The following EIF3L variants were observed in gnomAD, a reference collection of about 807,000 sequenced individuals.
EIF3L encodes eukaryotic translation initiation factor 3 subunit L, also known as eIEF associated protein HSPC021.
Under a neutral mutation model 74.6 loss-of-function variants are expected in EIF3L, and 32 were observed. That is an observed-to-expected ratio of 0.43 (90% CI 0.32 to 0.58). EIF3L has a LOEUF of 0.58. Ranked by LOEUF, EIF3L falls within the 20% of genes least tolerant of loss-of-function variation. EIF3L has a pLI of 0.06. For missense variants in EIF3L, 474 were observed against 707.8 expected (o/e 0.67, Z 3.75); for synonymous variants, 256 against 254.4 (o/e 1.01, Z -0.06).
At chr22:37,867,632 G>A (rs1418351711) in intron 7 of EIF3L, among the ~76,000 whole-genome samples, 1 of 142,200 alleles carries the variant, frequency 7.0e-6, no homozygotes, top group Non-Finnish European at 1.5e-5. Context: ...ACTCCACCCT[G>A]GGCAGTAGAG....
chr22:37,867,631 T>C (rs1028476016), intron 7 of EIF3L, among the ~76,000 whole-genome samples: 6 of 133,032 alleles, frequency 4.5e-5, no homozygotes, highest in African/African-American at 1.8e-4. Context: ...CACTCCACCC[T>C]GGGCAGTAGA....
intron 3 of EIF3L, among the ~76,000 whole-genome samples, chr22:37,852,778 A>G (rs537228347): frequency 6.6e-6 from 1 of 152,166 alleles, no homozygotes; most frequent in South Asian, 2.1e-4. Flanking sequence ...GCCACCCATT[A>G]GGTTGAGCTG....
intron 5 of EIF3L, among the ~76,000 whole-genome samples, chr22:37,862,170 CTT>C (rs1925893463): frequency 6.6e-6 from 1 of 152,212 alleles, no homozygotes; most frequent in Admixed American, 6.5e-5. Flanking sequence ...AGTCAACAAT[CTT>C]TTGCCCACAT....
chr22:37,853,478 C>T (rs1260722099), intron 3 of EIF3L, among the ~76,000 whole-genome samples: 1 of 152,110 alleles, frequency 6.6e-6, no homozygotes, highest in Admixed American at 6.5e-5. Flanking sequence ...TCAGCGCCTA[C>T]AAAAATTAGC....
At chr22:37,855,330 T>G (rs1030731820) in intron 3 of EIF3L, among the ~76,000 whole-genome samples, 6 of 152,164 alleles carry the variant, frequency 3.9e-5, no homozygotes, top group African/African-American at 7.2e-5. Context: ...GGCAGGAGAT[T>G]ATCCTGAAAA....
chr22:37,886,655 A>T, intron 11 of EIF3L, 110 bp from the exon 12 acceptor site: 2 of 777,712 alleles, frequency 2.6e-6, no homozygotes, highest in Admixed American at 2.6e-5. Flanking sequence ...CCCCACCTTT[A>T]CATCTAACAC....
chr22:37,867,123 G>T (rs1052598324), intron 7 of EIF3L, among the ~76,000 whole-genome samples: 1 of 151,914 alleles, frequency 6.6e-6, no homozygotes, highest in African/African-American at 2.4e-5. Flanking sequence ...TTGCAGCCTT[G>T]ACCTCCTGGG....
At chr22:37,858,777 T>A (rs1302653882) in intron 5 of EIF3L, 37 bp downstream of exon 5, 1 of 1,570,982 alleles carries the variant, frequency 6.4e-7, no homozygotes, top group African/African-American at 1.4e-5. Flanking sequence ...TTTTTGTTTT[T>A]GTTTTTTTAA....
chr22:37,886,860 A>G lies in EIF3L; in HGVS notation c.1656+15A>G. 1 of 1,601,894 alleles carries G rather than the reference A, an allele frequency of 6.2e-7. No individual in the cohort carries two copies. The highest frequency in any genetic ancestry group is 1.1e-5 in the South Asian group (1 of 90,822). On this transcript the variant is annotated intron_variant, in intron 12 of 12. Coordinates refer to ENST00000652021, the MANE Select transcript of EIF3L (RefSeq NM_016091.4). ...AATTTGAGGAGGTGAGAGATCTGAG[A>G]GAAGAGGGGTTTGTTGGCTCAGGAC... is the stretch of plus-strand genomic sequence containing the variant.
chr22:37,863,576 G>T (rs1925977540), intron 7 of EIF3L, among the ~76,000 whole-genome samples: 1 of 152,154 alleles, frequency 6.6e-6, no homozygotes, highest in African/African-American at 2.4e-5. Context: ...CCTTCATCAA[G>T]CTCTTACTAG....
chr22:37,863,093 T>G, intron 6 of EIF3L, 55 bp downstream of exon 6: 2 of 1,440,874 alleles, frequency 1.4e-6, no homozygotes, highest in Non-Finnish European at 1.9e-6. Context: ...GGTTCAGCAT[T>G]GGCCTCCAGC....
intron 9 of EIF3L, among the ~76,000 whole-genome samples, chr22:37,875,379 G>GA (rs958806328): frequency 5.8e-4 from 82 of 142,076 alleles, no homozygotes; most frequent in African/African-American, 1.2e-3. Flanking sequence ...CTCTGTCCCA[G>GA]AAAAAAAAAA....
chr22:37,875,727 A>G (rs1301162119), intron 9 of EIF3L, 114 bp from the exon 10 acceptor site: 3 of 957,190 alleles, frequency 3.1e-6, no homozygotes, highest in East Asian at 2.6e-5. Context: ...GGGACTCCAG[A>G]GCTTCCTCTG....
rs549425262 is a variant in EIF3L, at chr22:37,858,219, C to CTTTT, written c.374-438_374-435dup. ...TCTGAAATTAATATTTTCTTTCTTCCTTTTTTTTTTTTTTTTTTTTTTTTT... is the reference window on the plus strand; with the variant it reads ...TCTGAAATTAATATTTTCTTTCTTCCTTTTTTTTTTTTTTTTTTTTTTTTTTTTT... On this transcript the variant is annotated intron_variant, in intron 4 of 12. Coordinates refer to ENST00000652021, the MANE Select transcript of EIF3L (RefSeq NM_016091.4). Among the ~76,000 whole-genome samples the CTTTT allele has an allele frequency of 3.0e-3, 259 of 85,080 alleles. 4 individuals are homozygous for CTTTT. Among genetic ancestry groups the CTTTT allele is most frequent in the Middle Eastern group, 0.013 (1 of 80 alleles). 55.8% of individuals were successfully genotyped at this position (85,080 alleles called of 152,430 possible).
intron 5 of EIF3L, 66 bp downstream of exon 5, chr22:37,858,806 C>T: frequency 2.2e-6 from 3 of 1,381,738 alleles, no homozygotes; most frequent in Non-Finnish European, 3.0e-6. Flanking sequence ...TGTTTTTGTC[C>T]CTAGAACACA....
chr22:37,871,738 G>T (rs1307907353), intron 8 of EIF3L, among the ~76,000 whole-genome samples: 8 of 151,816 alleles, frequency 5.3e-5, no homozygotes, highest in African/African-American at 1.9e-4. Flanking sequence ...GCCTGGTGGT[G>T]GGCACCTGTA....
At chr22:37,874,315 G>A (rs1310663368) in intron 8 of EIF3L, 55 bp from the exon 9 acceptor site, 3 of 1,574,514 alleles carry the variant, frequency 1.9e-6, no homozygotes, top group Non-Finnish European at 1.7e-6. Flanking sequence ...CAGAGGTCAG[G>A]TGTGCCTGCC....
At chr22:37,867,151 C>T (rs555454594) in intron 7 of EIF3L, among the ~76,000 whole-genome samples, 2 of 152,202 alleles carry the variant, frequency 1.3e-5, no homozygotes, top group African/African-American at 2.4e-5. Context: ...AATCCCCCCA[C>T]CTTAGCCTCC....
intron 4 of EIF3L, among the ~76,000 whole-genome samples, chr22:37,856,676 C>A (rs1925527035): frequency 6.6e-6 from 1 of 152,082 alleles, no homozygotes; most frequent in African/African-American, 2.4e-5. Flanking sequence ...GAAACCCCAT[C>A]TCTACTAAAA....
Sources: gnomAD v4.1 joint callset for allele counts (sites outside exome capture counted in the v4.1 genomes callset) on GRCh38, gnomAD v4.1.1 for gene constraint, MANE v1.5 for transcripts, NCBI Gene and HGNC (gene_info 2026-07-23, HGNC 2026-07-21) for gene names.